The following ELN variants were observed in gnomAD, a reference collection of about 807,000 sequenced individuals.
The protein encoded by ELN is tropoelastin.
A neutral mutation model predicts 105.8 loss-of-function variants in ELN; 65 were observed. The observed-to-expected ratio is 0.61, with a 90% CI of 0.50 to 0.75. The LOEUF (loss-of-function observed/expected upper bound fraction) is 0.75, where lower values mean the gene tolerates loss of function less well. Among genes scored for constraint, ELN ranks in the 30% least tolerant of loss-of-function variants. The pLI, the probability that ELN is intolerant of heterozygous loss-of-function variation, is 0.00. For synonymous variants in ELN, 368 were observed against 389.2 expected (o/e 0.95, Z 0.64); for missense variants, 882 against 969.4 (o/e 0.91, Z 1.20).
At chr7:74,040,713 C>A (rs1161294890) in intron 4 of ELN, among the ~76,000 whole-genome samples, 1 of 152,140 alleles carries the variant, frequency 6.6e-6, no homozygotes, top group African/African-American at 2.4e-5. Flanking sequence ...CCAGAGGGAC[C>A]CATTTGGCGT....
At chr7:74,043,380 G>A in intron 8 of ELN, 1 of 776,620 alleles carries the variant, frequency 1.3e-6, no homozygotes, top group South Asian at 1.5e-5. Flanking sequence ...CGGGATCTTG[G>A]GGTAGAAAGA....
chr7:74,069,363 C>T lies in ELN; in HGVS notation c.*663C>T, dbSNP rs886062433. Reference sequence around the variant, plus strand: ...CCATCCGTCCATTCATCCATCGGTCCGTCCATCCATGTCCCCAGTTGACCG... The same window carrying T: ...CCATCCGTCCATTCATCCATCGGTCTGTCCATCCATGTCCCCAGTTGACCG... On this transcript the variant is annotated 3_prime_UTR_variant, in exon 33 of 33. Transcript: ENST00000252034. 2.1e-5 allele frequency: 5 copies of T among 236,310 alleles called. No homozygotes were observed. The highest frequency in any genetic ancestry group is 6.0e-5 in the East Asian group (1 of 16,640). The allele number at this position is 236,310 out of a possible 1,614,324, so 14.6% of individuals were successfully genotyped here. A position where few individuals can be genotyped will look rare whatever the true frequency, so the allele number is the denominator to read the frequency against.
intron 15 of ELN, among the ~76,000 whole-genome samples, chr7:74,050,041 G>A (rs551161798): frequency 1.5e-5 from 2 of 129,998 alleles, no homozygotes; most frequent in African/African-American, 5.9e-5. Context: ...ATTTCTCCAT[G>A]CATGCATCCA....
Position 74,051,947 on chromosome 7 carries a change from G to A in ELN, c.913G>A (p.Ala305Thr), listed in dbSNP as rs1060503513. The A allele has an allele frequency of 1.2e-6, 2 of 1,612,586 alleles. No individual in the cohort carries two copies. Among genetic ancestry groups the A allele is most frequent in the South Asian group, 1.1e-5 (1 of 91,076 alleles). The stretch of plus-strand genomic sequence containing the variant: ...AGGCGTTGGGACTCCAGCTGCAGCT[G>A]CAGCTGCAGCAGCAGCCGCTAAGGC... ...IAGVGTPAAA[A>T]AAAAAAKAAK... The change falls in exon 17 of 33, where the codon GCA becomes ACA. Residue 305 changes from alanine (A) to threonine (T), a missense_variant. Physicochemically the swap from Ala to Thr is moderately conservative, Grantham distance 58. Coordinates refer to ENST00000252034, the MANE Select transcript of ELN (RefSeq NM_000501.4).
chr7:74,035,278 A>C, intron 1 of ELN, 86 bp from the exon 2 acceptor site: 1 of 1,402,370 alleles, frequency 7.1e-7, no homozygotes, highest in Non-Finnish European at 1.0e-6. Flanking sequence ...TTTGCCATTG[A>C]AAGTAATGGC....
chr7:74,034,451 C>A (rs1272572704), intron 1 of ELN, among the ~76,000 whole-genome samples: 2 of 152,090 alleles, frequency 1.3e-5, no homozygotes, highest in Non-Finnish European at 2.9e-5. Context: ...GGCGCAGGGG[C>A]CTGTCATCCT....
At position 74,037,719 on chromosome 7, in the gene ELN, G is replaced by T. The variant is rs782141308; in HGVS notation, c.176G>T (p.Gly59Val). 3 of 1,612,322 alleles carry T rather than the reference G, an allele frequency of 1.9e-6. No individual in the cohort carries two copies. The highest frequency in any genetic ancestry group is 2.5e-6 in the Non-Finnish European group (3 of 1,179,386). Residue 59 changes from glycine to valine, a missense_variant, in exon 4 of 33, where the codon GGA (glycine) becomes GTA (valine). Coordinates refer to ENST00000252034, the MANE Select transcript of ELN (RefSeq NM_000501.4). The part of the protein sequence containing the change: ...GALGGGALGP[G>V]GKPLKPVPGG... ...CTTCCCTCTGCAGCGCTGGGGCCTG[G>T]AGGCAAACCTCTTAAGCCAGGTAAG...
chr7:74,048,999 CCATCCATCCACT>C lies in ELN; in HGVS notation c.799+459_799+470del, dbSNP rs531662982. ...CTTATTTACACATCCATGCATCCATCCATCCATCCACTCATCCATCCACTCATTCATCCATCC... is the reference window on the plus strand; with the variant it reads ...CTTATTTACACATCCATGCATCCATCCATCCATCCACTCATTCATCCATCC... On this transcript the variant is annotated intron_variant, in intron 15 of 32. Transcript: ENST00000252034. 1.4e-3 allele frequency among the ~76,000 whole-genome samples: 215 copies of C among 151,708 alleles called. 1 individual carries two copies. The highest frequency in any genetic ancestry group is 1.7e-3 in the Non-Finnish European group (114 of 67,860).
rs782295320 is a variant in ELN at position 74,052,013 on chromosome 7, G to A, written c.949+30G>A. Reference sequence around the variant, plus strand: ...GTGCCTCCCGGGGTGGCAAGTCCACGGCTCGGGCCCCTGCATAGACCTCGG... The same window carrying A: ...GTGCCTCCCGGGGTGGCAAGTCCACAGCTCGGGCCCCTGCATAGACCTCGG... On this transcript the variant is annotated intron_variant, in intron 17 of 32. Coordinates refer to ENST00000252034, the MANE Select transcript of ELN (RefSeq NM_000501.4). 1.2e-5 allele frequency: 20 copies of A among 1,611,842 alleles called. No individual in the cohort carries two copies. In the Admixed American group the frequency reaches 1.3e-4, roughly 11 times the overall value.
At chr7:74,067,190 G>A (rs1798136752) in intron 32 of ELN, among the ~76,000 whole-genome samples, 2 of 152,098 alleles carry the variant, frequency 1.3e-5, no homozygotes, top group Non-Finnish European at 2.9e-5. Flanking sequence ...GGAGGCCAAG[G>A]CAGGTGGATC....
chr7:74,047,661 T>C lies in ELN; in HGVS notation c.644-14T>C. 3.7e-6 allele frequency: 6 copies of C among 1,614,172 alleles called. No homozygotes were observed. The highest frequency in any genetic ancestry group is 5.1e-6 in the Non-Finnish European group (6 of 1,179,994). ...CATGGGGCAGCCCCTGAGTTTGCTC[T>C]GTCCTCTCTCCAGGTGGCTATGGAC... On this transcript the variant is annotated splice_polypyrimidine_tract_variant and intron_variant, in intron 12 of 32. Transcript: ENST00000252034.
chr7:74,056,617 G>T, intron 20 of ELN, 55 bp from the exon 21 acceptor site: 1 of 1,613,184 alleles, frequency 6.2e-7, no homozygotes. Flanking sequence ...AACACGGCTC[G>T]GAGGAGACCC....
chr7:74,052,325 G>A, intron 17 of ELN: 1 of 369,776 alleles, frequency 2.7e-6, no homozygotes, highest in Non-Finnish European at 5.1e-6. Flanking sequence ...TTCTAGCTAT[G>A]CACAGTGGCT....
Position 74,056,384 on chromosome 7 carries a change from G to C in ELN, c.1264G>C (p.Gly422Arg), listed in dbSNP as rs2071307. ...GGIPGVAGVPGVGGVPGVGGV... is the reference protein window; with the variant it reads ...GGIPGVAGVPRVGGVPGVGGV... ...TATCCCTGGAGTCGCAGGTGTCCCT[G>C]GTGTCGGAGGTGTTCCCGGAGTCGG... Residue 422 changes from glycine to arginine, a missense_variant, in exon 20 of 33, where the codon GGT (glycine) becomes CGT (arginine). Coordinates refer to ENST00000252034, the MANE Select transcript of ELN (RefSeq NM_000501.4). 6 of 1,613,722 alleles carry C rather than the reference G, an allele frequency of 3.7e-6. No homozygotes were observed. In the African/African-American group the frequency reaches 6.7e-5, roughly 18 times the overall value.
chr7:74,056,583 G>A, intron 20 of ELN, 89 bp from the exon 21 acceptor site: 1 of 1,607,176 alleles, frequency 6.2e-7, no homozygotes, highest in South Asian at 1.1e-5. Context: ...TCGTATCCAT[G>A]CCTTACAGGG....
At position 74,065,693 on chromosome 7, in the gene ELN, G is replaced by C. The variant is rs1554688654; in HGVS notation, c.1994-1G>C. Reference sequence around the variant, plus strand: ...AGCCGTCATGTGCCTCATCTCCCCAGGTATACCTCCAGCTGCAGCCGCTAA... The same window carrying C: ...AGCCGTCATGTGCCTCATCTCCCCACGTATACCTCCAGCTGCAGCCGCTAA... On this transcript the variant is annotated splice_acceptor_variant, in intron 29 of 32. Coordinates refer to ENST00000252034, the MANE Select transcript of ELN (RefSeq NM_000501.4). LOFTEE classifies it high-confidence loss of function. The C allele has an allele frequency of 3.7e-6, 6 of 1,613,434 alleles. No homozygotes were observed. Among genetic ancestry groups the C allele is most frequent in the Non-Finnish European group, 5.1e-6 (6 of 1,179,972 alleles).
rs1435300882 is a variant in ELN, at chr7:74,059,926, G to A, written c.1455G>A (p.Val485=). 6.3e-7 allele frequency: 1 copy of A among 1,578,076 alleles called. No homozygotes were observed. The highest frequency in any genetic ancestry group is 8.7e-7 in the Non-Finnish European group (1 of 1,147,920). Residue 485 remains valine (V), a synonymous_variant, in exon 23 of 33, where the codon GTG becomes GTA. Coordinates refer to ENST00000252034, the MANE Select transcript of ELN (RefSeq NM_000501.4). The part of the protein sequence containing the change: ...PGVGVAPGVG[V]APGVGVAPGV... ...TCGGCGTGGCTCCTGGAGTTGGCGT[G>A]GCTCCTGGTGTCGGTGTGGCTCCTG...
At chr7:74,056,522 T>C (rs1027351968) in intron 20 of ELN, 87 bp downstream of exon 20, 5 of 1,605,592 alleles carry the variant, frequency 3.1e-6, no homozygotes, top group Non-Finnish European at 4.3e-6. Flanking sequence ...GTGGGGACTG[T>C]AGATCGGGCT....
intron 29 of ELN, among the ~76,000 whole-genome samples, chr7:74,065,231 A>G (rs1442761545): frequency 1.3e-5 from 2 of 151,822 alleles, no homozygotes; most frequent in Non-Finnish European, 2.9e-5. Flanking sequence ...CCTGGGCAAC[A>G]GAGCAAGAAG....
Sources: allele counts gnomAD v4.1 joint callset (sites outside exome capture counted in the v4.1 genomes callset), GRCh38; gene constraint gnomAD v4.1.1; transcripts MANE v1.5; gene names NCBI Gene and HGNC (gene_info 2026-07-23, HGNC 2026-07-21).